Variants in ELANE observed in about 807,000 individuals in gnomAD.
The protein encoded by ELANE is neutrophil elastase.
ELANE carries 12 observed loss-of-function variants against 20.6 expected under a neutral mutation model. The observed-to-expected ratio is 0.58, with a 90% CI of 0.37 to 0.94. The LOEUF is 0.94. Among genes scored for constraint, ELANE ranks in the 40% least tolerant of loss-of-function variants. ELANE has a pLI of 0.01. For missense variants in ELANE, 388 were observed against 395.2 expected, an observed-to-expected ratio of 0.98 and a Z score of 0.15; for synonymous variants, 203 against 177.4, an observed-to-expected ratio of 1.14 and a Z score of -1.15.
In ELANE at chr19:853,050, T is replaced by TGC. The variant is rs2035618813; in HGVS notation, c.224+23_224+24dup. The TGC allele has an allele frequency of 1.4e-6, 2 of 1,446,764 alleles. No homozygotes were observed. Among genetic ancestry groups the TGC allele is most frequent in the South Asian group, 2.4e-5 (2 of 83,712 alleles). 89.6% of individuals were successfully genotyped at this position (1,446,764 alleles called of 1,614,324 possible). ...GCGAATGTGTGAGTAGCCGGGAGTG[T>TGC]GCGCGCCCGGCTCGGACCCCGCGTC... is the stretch of plus-strand genomic sequence containing the variant. On this transcript the variant is annotated intron_variant, in intron 2 of 4. Transcript: ENST00000263621.
intron 1 of ELANE, among the ~76,000 whole-genome samples, 163 bp downstream of exon 1, chr19:852,558 C>T (rs1390811280): frequency 7.0e-6 from 1 of 143,380 alleles, no homozygotes; most frequent in African/African-American, 2.7e-5. Context: ...GTGAAGCCAC[C>T]ACCAGGAGCC....
In ELANE at chr19:856,087, G is replaced by T. The variant is rs752022665; in HGVS notation, c.727G>T (p.Asp243Tyr). ...APVAQFVNWIDSIIQRSEDNP... is the reference protein window; with the variant it reads ...APVAQFVNWIYSIIQRSEDNP... ...GGTGGCACAGTTTGTAAACTGGATC[G>T]ACTCTATCATCCAACGCTCCGAGGA... Residue 243 changes from aspartate (D) to tyrosine (Y), a missense_variant, in exon 5 of 5, where the codon GAC becomes TAC. Physicochemically the swap from Asp to Tyr is radical, Grantham distance 160. Coordinates refer to ENST00000263621, the MANE Select transcript of ELANE (RefSeq NM_001972.4). 7 of 1,613,324 alleles carry T rather than the reference G, an allele frequency of 4.3e-6. No individual in the cohort carries two copies. The Admixed American group carries it at 5.0e-5, about 12-fold the overall frequency.
chr19:853,270 G>T lies in ELANE; in HGVS notation c.233G>T (p.Arg78Leu). 1 of 1,602,246 alleles carries T rather than the reference G, an allele frequency of 6.2e-7. No individual in the cohort carries two copies. The highest frequency in any genetic ancestry group is 8.5e-7 in the Non-Finnish European group (1 of 1,175,096). ...AAHCVANVNV[R>L]AVRVVLGAHN... The stretch of plus-strand genomic sequence containing the variant: ...CTCTCCCTCCCCGGCAGAAACGTCC[G>T]CGCGGTGCGGGTGGTCCTGGGAGCC... Residue 78 changes from arginine (R) to leucine (L), a missense_variant, in exon 3 of 5, where the codon CGC (arginine) becomes CTC (leucine). By Grantham distance (102) the Arg-to-Leu change is moderately radical. Coordinates refer to ENST00000263621, the MANE Select transcript of ELANE (RefSeq NM_001972.4).
At chr19:854,863 T>C (rs2035652443) in intron 3 of ELANE, among the ~76,000 whole-genome samples, 1 of 149,056 alleles carries the variant, frequency 6.7e-6, no homozygotes, top group South Asian at 2.1e-4. Flanking sequence ...CACATATATA[T>C]ATATTTTTTG....
At position 855,378 on chromosome 19, in the gene ELANE, G is replaced by A. The variant is rs115978792; in HGVS notation, c.367-186G>A. Among the ~76,000 whole-genome samples, 3 of 152,276 alleles carry A rather than the reference G, an allele frequency of 2.0e-5. No individual in the cohort carries two copies. The highest frequency in any genetic ancestry group is 6.5e-5 in the Admixed American group (1 of 15,292). ...CTCCAACGCCCTGAGCCTTGGTGACGGCTCCCACTCTACAGATGGGGAAAC... is the reference window on the plus strand; with the variant it reads ...CTCCAACGCCCTGAGCCTTGGTGACAGCTCCCACTCTACAGATGGGGAAAC... On this transcript the variant is annotated intron_variant, in intron 3 of 4. Transcript: ENST00000263621. The surrounding 1 kb of genome is among the most constrained non-coding windows in gnomAD (Gnocchi z 6.2).
At chr19:854,896 C>G (rs1297619681) in intron 3 of ELANE, among the ~76,000 whole-genome samples, 4 of 151,158 alleles carry the variant, frequency 2.6e-5, no homozygotes, top group Non-Finnish European at 5.9e-5. Context: ...CTCTGTCGCC[C>G]AGGCTGGAGC....
intron 3 of ELANE, among the ~76,000 whole-genome samples, chr19:854,053 A>G (rs1568304830): frequency 6.6e-6 from 1 of 152,200 alleles, no homozygotes; most frequent in Non-Finnish European, 1.5e-5. Flanking sequence ...CTCTCCATTC[A>G]CCAGTCCTGT....
In ELANE at chr19:852,912, G is replaced by A. The variant is rs375350474; in HGVS notation, c.104G>A (p.Arg35Gln). The change falls in exon 2 of 5, where the codon CGA (arginine) becomes CAA (glutamine). Residue 35 changes from arginine (R) to glutamine (Q), a missense_variant. By Grantham distance (43) the Arg-to-Gln change is conservative. This residue lies in a region of ELANE where 58 missense variants were observed against 56.7 expected (regional missense o/e 1.02). Transcript: ENST00000263621. ...ALASEIVGGR[R>Q]ARPHAWPFMV... ...GCCTCGGAGATTGTGGGGGGCCGGCGAGCGCGGCCCCACGCGTGGCCCTTC... is the reference window on the plus strand; with the variant it reads ...GCCTCGGAGATTGTGGGGGGCCGGCAAGCGCGGCCCCACGCGTGGCCCTTC... 1.4e-5 allele frequency: 23 copies of A among 1,596,584 alleles called. No homozygotes were observed. In the African/African-American group the frequency reaches 2.8e-4, roughly 19 times the overall value.
At chr19:853,490 C>T in intron 3 of ELANE, 87 bp downstream of exon 3, 1 of 1,476,656 alleles carries the variant, frequency 6.8e-7, no homozygotes, top group Non-Finnish European at 9.2e-7. Flanking sequence ...GCGTCGGGGC[C>T]GCTCGTGGGG....
chr19:852,506 C>A (rs2035609442), intron 1 of ELANE, 111 bp downstream of exon 1: 1 of 1,386,512 alleles, frequency 7.2e-7, no homozygotes, highest in East Asian at 2.5e-5. Context: ...GGGGAGGTGC[C>A]AGCTGGGACA....
At chr19:853,158 G>A in intron 2 of ELANE, 104 bp from the exon 3 acceptor site, 2 of 1,471,532 alleles carry the variant, frequency 1.4e-6, no homozygotes, top group Non-Finnish European at 1.8e-6. Context: ...GGGGCCCCTC[G>A]AGCACCTTCG....
chr19:854,634 C>A (rs2035646511), intron 3 of ELANE, among the ~76,000 whole-genome samples: 2 of 146,532 alleles, frequency 1.4e-5, no homozygotes, highest in African/African-American at 2.5e-5. Context: ...CCACGTCTGG[C>A]TAATATATAT....
intron 1 of ELANE, 77 bp downstream of exon 1, chr19:852,472 C>A (rs2035609048): frequency 1.3e-6 from 2 of 1,519,890 alleles, no homozygotes; most frequent in African/African-American, 1.4e-5. Context: ...AGGGCCCCAC[C>A]AGTGTGGGTC....
At chr19:853,168 G>A (rs2035621377) in intron 2 of ELANE, 94 bp from the exon 3 acceptor site, 3 of 1,482,736 alleles carry the variant, frequency 2.0e-6, no homozygotes, top group Non-Finnish European at 2.7e-6. Flanking sequence ...GAGCACCTTC[G>A]CCCTCAGGCC....
Position 853,379 on chromosome 19 carries a change from G to T in ELANE, c.342G>T (p.Leu114Phe), listed in dbSNP as rs1568304522. 3 of 1,610,672 alleles carry T rather than the reference G, an allele frequency of 1.9e-6. No individual in the cohort carries two copies. The highest frequency in any genetic ancestry group is 2.5e-6 in the Non-Finnish European group (3 of 1,178,790). ...IFENGYDPVNLLNDIVILQLN... is the reference protein window; with the variant it reads ...IFENGYDPVNFLNDIVILQLN... Reference sequence around the variant, plus strand: ...AAAACGGCTACGACCCCGTAAACTTGCTCAACGACATCGTGATTCTCCAGG... The same window carrying T: ...AAAACGGCTACGACCCCGTAAACTTTCTCAACGACATCGTGATTCTCCAGG... The change falls in exon 3 of 5, where the codon TTG becomes TTT. Residue 114 changes from leucine (L) to phenylalanine (F), a missense_variant. By Grantham distance (22) the Leu-to-Phe change is conservative. Coordinates refer to ENST00000263621, the MANE Select transcript of ELANE (RefSeq NM_001972.4).
chr19:856,014 C>G lies in ELANE; in HGVS notation c.654C>G (p.Phe218Leu), dbSNP rs148492780. ...GGCTAATCCACGGAATTGCCTCCTT[C>G]GTCCGGGGAGGCTGCGCCTCAGGGC... is the stretch of plus-strand genomic sequence containing the variant. Reference protein sequence around the residue: ...CNGLIHGIASFVRGGCASGLY... With the variant: ...CNGLIHGIASLVRGGCASGLY... The change falls in exon 5 of 5, where the codon TTC becomes TTG. Residue 218 changes from phenylalanine to leucine, a missense_variant. This residue lies in a region of ELANE where 321 missense variants were observed against 309.8 expected (regional missense o/e 1.04). Coordinates refer to ENST00000263621, the MANE Select transcript of ELANE (RefSeq NM_001972.4). The G allele has an allele frequency of 1.1e-5, 17 of 1,613,562 alleles. No individual in the cohort carries two copies. The highest frequency in any genetic ancestry group is 1.4e-5 in the Non-Finnish European group (16 of 1,180,042).
intron 3 of ELANE, among the ~76,000 whole-genome samples, chr19:854,315 G>A (rs2035640363): frequency 6.6e-6 from 1 of 151,936 alleles, no homozygotes; most frequent in Non-Finnish European, 1.5e-5. Flanking sequence ...GAGTGTGGTT[G>A]TGGGTGCCTG....
At chr19:854,286 C>CA (rs879438548) in intron 3 of ELANE, among the ~76,000 whole-genome samples, 677 of 143,748 alleles carry the variant, frequency 4.7e-3, no homozygotes, top group Admixed American at 7.0e-3. Context: ...TACTAAAATA[C>CA]AAAAAAAAAA....
rs1398582107 is a variant in ELANE at position 855,280 on chromosome 19, C to G, written c.367-284C>G. 1.3e-5 allele frequency among the ~76,000 whole-genome samples: 2 copies of G among 152,136 alleles called. No homozygotes were observed. Among genetic ancestry groups the G allele is most frequent in the Non-Finnish European group, 2.9e-5 (2 of 68,026 alleles). On this transcript the variant is annotated intron_variant, in intron 3 of 4. Coordinates refer to ENST00000263621, the MANE Select transcript of ELANE (RefSeq NM_001972.4). This position sits in a 1 kb window ranked among gnomAD's most constrained non-coding sequence, Gnocchi z 6.2. ...TGCTGGGCTTACAAGCATGAGCCAC[C>G]GCGCCCGGCTGTAGTTTTTTTGTTA...
Sources: gnomAD v4.1 joint callset for allele counts (sites outside exome capture counted in the v4.1 genomes callset) on GRCh38, gnomAD v4.1.1 for gene constraint, gnomAD v4.1.1 regional missense constraint, Gnocchi (gnomAD v3.1) non-coding constraint, MANE v1.5 for transcripts, NCBI Gene and HGNC (gene_info 2026-07-23, HGNC 2026-07-21) for gene names.